Variants in EMC3 observed in about 807,000 individuals in gnomAD.
EMC3 encodes ER membrane protein complex subunit 3.
A neutral mutation model predicts 36.6 loss-of-function variants in EMC3; 13 were observed. The observed-to-expected ratio is 0.35, with a 90% CI of 0.23 to 0.56. The LOEUF is 0.56. Among genes scored for constraint, EMC3 ranks in the 20% least tolerant of loss-of-function variants. The pLI is 0.84. For synonymous variants in EMC3, 120 were observed against 111.9 expected (o/e 1.07, Z -0.46); for missense variants, 220 against 324.5 (o/e 0.68, Z 2.47).
chr3:9,976,992 G>GT lies in EMC3; in HGVS notation c.271dup (p.Thr91AsnfsTer2). The GT allele has an allele frequency of 6.2e-7, 1 of 1,610,770 alleles. No individual in the cohort carries two copies. The highest frequency in any genetic ancestry group is 8.5e-7 in the Non-Finnish European group (1 of 1,179,014). ...AGAAGGTGGCACTACCTTCCGTTTA[G>GT]TTTTTTTGAAAAATCCATCCTCTGG... On this transcript the variant is annotated frameshift_variant, in exon 3 of 8. Transcript: ENST00000245046. LOFTEE classifies it high-confidence loss of function.
intron 1 of EMC3, among the ~76,000 whole-genome samples, chr3:9,985,719 C>T (rs539512863): frequency 2.0e-5 from 3 of 152,056 alleles, no homozygotes; most frequent in African/African-American, 7.2e-5. Context: ...GATGGTGAAA[C>T]CCTGTCTCTA....
intron 4 of EMC3, among the ~76,000 whole-genome samples, chr3:9,973,983 AAC>A (rs1382466424): frequency 6.6e-6 from 1 of 152,238 alleles, no homozygotes; most frequent in Non-Finnish European, 1.5e-5. Context: ...CAAACTGTCA[AAC>A]TCTAAGTGGA....
At chr3:9,976,877 A>C (rs1575679237) in intron 3 of EMC3, 80 bp downstream of exon 3, 1 of 947,550 alleles carries the variant, frequency 1.1e-6, no homozygotes, top group Non-Finnish European at 1.6e-6. Context: ...ATAAAATGAC[A>C]CCCTCCCTGC....
upstream of EMC3, chr3:9,987,180 C>T: frequency 1.1e-6 from 1 of 934,090 alleles, no homozygotes; most frequent in South Asian, 4.9e-5. Context: ...CTGCACTGCA[C>T]TCCAGCCTGG....
At chr3:9,987,367 C>A, upstream of EMC3, 3 of 917,594 alleles carry the variant, frequency 3.3e-6, no homozygotes, top group Non-Finnish European at 3.9e-6. Context: ...TGGGGCTCCG[C>A]GCCCCAAGCC....
intron 1 of EMC3, among the ~76,000 whole-genome samples, chr3:9,983,930 C>T (rs2085940225): frequency 6.6e-6 from 1 of 151,996 alleles, no homozygotes; most frequent in Non-Finnish European, 1.5e-5. Context: ...TTCCAGGCTC[C>T]CTGGAATTGT....
chr3:10,007,343 A>G (rs1242491678), intron 1 of EMC3: 3 of 1,338,364 alleles, frequency 2.2e-6, no homozygotes, highest in East Asian at 4.6e-5. Flanking sequence ...GCCTGTGTCA[A>G]TCATGCTGAG....
At chr3:9,974,867 T>G (rs986910695) in intron 3 of EMC3, among the ~76,000 whole-genome samples, 4 of 127,066 alleles carry the variant, frequency 3.1e-5, no homozygotes, top group Admixed American at 8.0e-5. Flanking sequence ...GTTTTTTTTT[T>G]TTTTTTTTTT....
chr3:10,003,948 G>A (rs752739045), intron 1 of EMC3: 2 of 152,488 alleles, frequency 1.3e-5, no homozygotes, highest in Non-Finnish European at 1.5e-5. Flanking sequence ...CGCAGACTTC[G>A]GCTTTGGTAC....
intron 1 of EMC3, among the ~76,000 whole-genome samples, chr3:9,998,365 C>CAAATAATAATA (rs2086153994): frequency 1.8e-5 from 1 of 54,388 alleles, no homozygotes; most frequent in Non-Finnish European, 4.6e-5. Context: ...GACTCTGTCT[C>CAAATAATAATA]AAATAATAAT....
chr3:9,964,132 G>A lies in EMC3; in HGVS notation c.723C>T (p.Leu241=). The A allele has an allele frequency of 6.2e-7, 1 of 1,614,144 alleles. No individual in the cohort carries two copies. Among genetic ancestry groups the A allele is most frequent in the Non-Finnish European group, 8.5e-7 (1 of 1,180,042 alleles). ...QWALDDVEEE[L]MAKDLHFEGM... is the part of the protein sequence containing the mutation. ...CTTCGAAGTGGAGGTCTTTGGCCAT[G>A]AGCTCTTCTTCGACATCATCTAGTG... Residue 241 remains leucine, a synonymous_variant, in exon 8 of 8, where the codon CTC becomes CTT. Transcript: ENST00000245046.
intron 1 of EMC3, among the ~76,000 whole-genome samples, chr3:9,995,706 C>T (rs2086114812): frequency 6.6e-6 from 1 of 151,966 alleles, no homozygotes; most frequent in Non-Finnish European, 1.5e-5. Context: ...GGCGCTGTCT[C>T]AGTTCAGTGC....
chr3:10,000,158 C>A (rs1244691334), intron 1 of EMC3, among the ~76,000 whole-genome samples: 4 of 152,108 alleles, frequency 2.6e-5, no homozygotes, highest in African/African-American at 9.7e-5. Flanking sequence ...TCTCTCTCAG[C>A]CTCCCAAGTA....
intron 1 of EMC3, chr3:10,009,753 A>G (rs904929547): frequency 1.6e-4 from 24 of 152,340 alleles, no homozygotes; most frequent in African/African-American, 5.1e-4. Flanking sequence ...GGGGCGGGTC[A>G]GCCCACGCCC....
chr3:9,986,408 G>T, intron 1 of EMC3, 99 bp downstream of exon 1: 1 of 1,410,168 alleles, frequency 7.1e-7, no homozygotes, highest in South Asian at 1.3e-5. Context: ...CCTGTCAGAG[G>T]GGGCGCGACG....
In EMC3 at chr3:9,977,055, T is replaced by TAAAA; in HGVS notation, c.214-9_214-6dup. On this transcript the variant is annotated splice_region_variant and splice_polypyrimidine_tract_variant and intron_variant, in intron 2 of 7. Transcript: ENST00000245046. Reference sequence around the variant, plus strand: ...ATATTTTCGTGTCAAGAAAGACTAGTAAAAAAAAAAAAAAGTGTTTTAAGT... The same window carrying TAAAA: ...ATATTTTCGTGTCAAGAAAGACTAGTAAAAAAAAAAAAAAAAAAGTGTTTTAAGT... 1.5e-6 allele frequency: 2 copies of TAAAA among 1,334,570 alleles called. No homozygotes were observed. Among genetic ancestry groups the TAAAA allele is most frequent in the Non-Finnish European group, 1.0e-6 (1 of 977,338 alleles). The allele number at this position is 1,334,570 out of a possible 1,614,324, so 82.7% of individuals were successfully genotyped here.
At chr3:9,968,596 G>C (rs922072791) in intron 7 of EMC3, 24 of 152,098 alleles carry the variant, frequency 1.6e-4, no homozygotes, top group African/African-American at 5.6e-4. Flanking sequence ...CATTGAGTAT[G>C]ATGTTAGCTG....
intron 1 of EMC3, chr3:10,002,813 C>G (rs146213296): frequency 4.4e-6 from 2 of 456,226 alleles, no homozygotes; most frequent in Non-Finnish European, 8.8e-6. Context: ...GTGTCTTCCC[C>G]CTCCACGCAG....
At chr3:9,974,858 T>TCAATA in intron 3 of EMC3, among the ~76,000 whole-genome samples, 1 of 75,040 alleles carries the variant, frequency 1.3e-5, no homozygotes, top group African/African-American at 7.5e-5. Flanking sequence ...GCACCCAGCG[T>TCAATA]TTTTTTTTTT....
Sources: allele counts gnomAD v4.1 joint callset (sites outside exome capture counted in the v4.1 genomes callset), GRCh38; gene constraint gnomAD v4.1.1; transcripts MANE v1.5; gene names NCBI Gene and HGNC (gene_info 2026-07-23, HGNC 2026-07-21).